The following SLC22A23 variants were observed in gnomAD, a reference collection of about 807,000 sequenced individuals.
The protein encoded by SLC22A23 is solute carrier family 22 member 23, also known as ion transporter protein.
In SLC22A23, 26 loss-of-function variants were observed where a neutral mutation model predicts 61.0. The ratio of observed to expected loss-of-function variants is 0.43; its 90% confidence interval spans 0.31 to 0.59. The LOEUF is 0.59. SLC22A23 is among the 20% of genes least tolerant of loss of function. The pLI is 0.11. For synonymous variants in SLC22A23, 430 were observed against 413.9 expected (o/e 1.04, Z -0.47); for missense variants, 796 against 934.7 (o/e 0.85, Z 1.94).
At chr6:3,289,007 G>A (rs1581618035) in intron 6 of SLC22A23, among the ~76,000 whole-genome samples, 1 of 152,344 alleles carries the variant, frequency 6.6e-6, no homozygotes, top group South Asian at 2.1e-4. Flanking sequence ...TCTTTACCTG[G>A]TGGCAGCTCG....
At chr6:3,319,531 C>T (rs1274616514) in intron 4 of SLC22A23, among the ~76,000 whole-genome samples, 2 of 152,188 alleles carry the variant, frequency 1.3e-5, no homozygotes, top group Non-Finnish European at 2.9e-5. Context: ...AGATCGGGAG[C>T]TTGCTCTGGA....
chr6:3,303,690 G>A (rs1418913048), intron 4 of SLC22A23, among the ~76,000 whole-genome samples: 2 of 152,158 alleles, frequency 1.3e-5, no homozygotes, highest in Non-Finnish European at 1.5e-5. Flanking sequence ...GATATTAGAG[G>A]CTAGGAAGGG....
At chr6:3,310,979 AC>A (rs1366036203) in intron 4 of SLC22A23, among the ~76,000 whole-genome samples, 2 of 152,230 alleles carry the variant, frequency 1.3e-5, no homozygotes, top group African/African-American at 4.8e-5. Context: ...GCAGGGCGAT[AC>A]CTGTGCAGAC....
intron 1 of SLC22A23, 118 bp from the exon 2 acceptor site, chr6:3,415,973 G>T: frequency 1.5e-6 from 1 of 663,640 alleles, no homozygotes; most frequent in Non-Finnish European, 2.6e-6. Context: ...CCAGTACCAT[G>T]CCATATACAC....
intron 4 of SLC22A23, chr6:3,303,053 T>C (rs1761729115): frequency 6.6e-6 from 1 of 152,144 alleles, no homozygotes; most frequent in Admixed American, 6.5e-5. Context: ...GACAATAATC[T>C]GAATAGACAT....
At chr6:3,356,305 G>A (rs193275368) in intron 3 of SLC22A23, among the ~76,000 whole-genome samples, 249 of 151,516 alleles carry the variant, frequency 1.6e-3, no homozygotes, top group African/African-American at 5.7e-3. Flanking sequence ...GGAAACCGGT[G>A]GGCCATGGAA....
intron 2 of SLC22A23, among the ~76,000 whole-genome samples, chr6:3,412,439 G>A (rs558713273): frequency 5.9e-5 from 9 of 152,294 alleles, no homozygotes; most frequent in Admixed American, 2.6e-4. Context: ...TTATCGACAG[G>A]AGTGGATATG....
intron 3 of SLC22A23, among the ~76,000 whole-genome samples, chr6:3,398,125 G>C (rs548354343): frequency 1.3e-5 from 2 of 152,306 alleles, no homozygotes; most frequent in South Asian, 2.1e-4. Flanking sequence ...ACTTAGCAAT[G>C]CCAGTTCGAC....
intron 5 of SLC22A23, among the ~76,000 whole-genome samples, chr6:3,294,775 A>C (rs1760926709): frequency 6.6e-6 from 1 of 152,186 alleles, no homozygotes; most frequent in Non-Finnish European, 1.5e-5. Flanking sequence ...CACATATCTA[A>C]ACTCAGCTGC....
intron 3 of SLC22A23, among the ~76,000 whole-genome samples, chr6:3,341,851 C>A (rs1294016944): frequency 6.6e-6 from 1 of 152,062 alleles, no homozygotes; most frequent in Admixed American, 6.5e-5. Flanking sequence ...CCATCCTTTC[C>A]ACACCTGTAA....
At chr6:3,340,585 G>C (rs146116674) in intron 3 of SLC22A23, among the ~76,000 whole-genome samples, 26 of 152,336 alleles carry the variant, frequency 1.7e-4, no homozygotes, top group African/African-American at 6.0e-4. Context: ...ACCACAGTAT[G>C]AGGAGCTTTG....
Position 3,360,525 on chromosome 6 carries a change from G to A in SLC22A23, c.914-36523C>T, listed in dbSNP as rs147938364. Among the ~76,000 whole-genome samples the A allele has an allele frequency of 8.5e-5, 13 of 152,316 alleles. No homozygotes were observed. Among genetic ancestry groups the A allele is most frequent in the East Asian group, 7.7e-4 (4 of 5,188 alleles). Reference sequence around the variant, plus strand: ...AATACAGAACTGCATTCTCATAGTCGGGTTTCAGGCAACGGCTCAACCGTG... The same window carrying A: ...AATACAGAACTGCATTCTCATAGTCAGGTTTCAGGCAACGGCTCAACCGTG... On this transcript the variant is annotated intron_variant, in intron 3 of 9. Coordinates refer to ENST00000406686, the MANE Select transcript of SLC22A23 (RefSeq NM_015482.2). This position sits in a 1 kb window ranked among gnomAD's most constrained non-coding sequence, Gnocchi z 4.6.
chr6:3,339,293 A>C (rs1561908951), intron 3 of SLC22A23, among the ~76,000 whole-genome samples: 1 of 152,172 alleles, frequency 6.6e-6, no homozygotes, highest in Non-Finnish European at 1.5e-5. Context: ...ACAGATGGTG[A>C]TCTGTCTTCA....
In SLC22A23 at chr6:3,327,276, A is replaced by T. The variant is rs573203686; in HGVS notation, c.914-3274T>A. On this transcript the variant is annotated intron_variant, in intron 3 of 9. Transcript: ENST00000406686. This position sits in a 1 kb window ranked among gnomAD's most constrained non-coding sequence, Gnocchi z 4.1. Reference sequence around the variant, plus strand: ...GGCTACTGTGGAGAGTAGATCACTCACAGGCAGGTGTCCACAGTGCCCGTG... The same window carrying T: ...GGCTACTGTGGAGAGTAGATCACTCTCAGGCAGGTGTCCACAGTGCCCGTG... Among the ~76,000 whole-genome samples, 1 of 152,374 alleles carries T rather than the reference A, an allele frequency of 6.6e-6. No homozygotes were observed. The highest frequency in any genetic ancestry group is 2.1e-4 in the South Asian group (1 of 4,834).
rs1012157730 is a variant in SLC22A23, at chr6:3,330,799, C to T, written c.914-6797G>A. 6.6e-6 allele frequency among the ~76,000 whole-genome samples: 1 copy of T among 152,158 alleles called. No homozygotes were observed. The highest frequency in any genetic ancestry group is 1.5e-5 in the Non-Finnish European group (1 of 68,022). On this transcript the variant is annotated intron_variant, in intron 3 of 9. Coordinates refer to ENST00000406686, the MANE Select transcript of SLC22A23 (RefSeq NM_015482.2). This position sits in a 1 kb window ranked among gnomAD's most constrained non-coding sequence, Gnocchi z 4.7. ...AACCCAAAGTAATGGTCAGAAGAATCTGAAAGAGTAGTTTTCTCCATTTAG... is the reference window on the plus strand; with the variant it reads ...AACCCAAAGTAATGGTCAGAAGAATTTGAAAGAGTAGTTTTCTCCATTTAG...
chr6:3,391,705 A>C (rs1012588498), intron 3 of SLC22A23, among the ~76,000 whole-genome samples: 2 of 152,210 alleles, frequency 1.3e-5, no homozygotes, highest in African/African-American at 2.4e-5. Flanking sequence ...CAAATACACA[A>C]ATAAATGAAG....
chr6:3,299,733 T>C (rs762834692), intron 4 of SLC22A23, among the ~76,000 whole-genome samples: 2 of 152,232 alleles, frequency 1.3e-5, no homozygotes, highest in African/African-American at 2.4e-5. Context: ...CTTGGCCTTG[T>C]GGCCTGAGTG....
chr6:3,346,915 C>T (rs181045723), intron 3 of SLC22A23, among the ~76,000 whole-genome samples: 1 of 152,304 alleles, frequency 6.6e-6, no homozygotes, highest in African/African-American at 2.4e-5. Flanking sequence ...AACATACATA[C>T]ATTTTAACTT....
Position 3,410,064 on chromosome 6 carries a change from G to T in SLC22A23, c.913+124C>A. On this transcript the variant is annotated intron_variant, in intron 3 of 9. Coordinates refer to ENST00000406686, the MANE Select transcript of SLC22A23 (RefSeq NM_015482.2). The surrounding 1 kb of genome is among the most constrained non-coding windows in gnomAD (Gnocchi z 5.0). ...TTTCACAACACTTGAGGCCTTTAAT[G>T]TTTGTGTTTCCACAAAACTGCCAGC... 8.9e-7 allele frequency: 1 copy of T among 1,118,012 alleles called. No homozygotes were observed. The highest frequency in any genetic ancestry group is 1.3e-6 in the Non-Finnish European group (1 of 798,796). The allele number at this position is 1,118,012 out of a possible 1,614,324, so 69.3% of individuals were successfully genotyped here. A position where few individuals can be genotyped will look rare whatever the true frequency, so the allele number is the denominator to read the frequency against.
Sources: gnomAD v4.1 joint callset for allele counts (sites outside exome capture counted in the v4.1 genomes callset) on GRCh38, gnomAD v4.1.1 for gene constraint, Gnocchi (gnomAD v3.1) non-coding constraint, MANE v1.5 for transcripts, NCBI Gene and HGNC (gene_info 2026-07-23, HGNC 2026-07-21) for gene names.